Variants in LANCL2 observed in about 807,000 individuals in gnomAD.
LANCL2 encodes the protein LanC like glutathione S-transferase 2, also known as lanC-like protein 2.
LANCL2 carries 33 observed loss-of-function variants against 56.9 expected under a neutral mutation model. The observed-to-expected ratio is 0.58, with a 90% confidence interval of 0.44 to 0.78. The LOEUF (loss-of-function observed/expected upper bound fraction) is 0.78, where lower values mean the gene tolerates loss of function less well. LANCL2 is among the 30% of genes least tolerant of loss of function. The probability of loss-of-function intolerance (pLI) is 0.00; values close to 1 mark genes in which losing one functional copy is unlikely to be tolerated. For synonymous variants in LANCL2, 233 were observed against 228.2 expected (o/e 1.02, Z -0.19); for missense variants, 562 against 580.2 (o/e 0.97, Z 0.32).
Position 55,366,106 on chromosome 7 carries a change from C to T in LANCL2, c.81C>T (p.Pro27=), listed in dbSNP as rs1177732826. ...TGGAGGAACGGGCGTTCGTCAACCC[C>T]TTCCCGGACTACGAGGCCGCCGCCG... ...AEMEERAFVN[P]FPDYEAAAGA... Residue 27 remains proline, a synonymous_variant, in exon 1 of 9, where the codon CCC becomes CCT. Transcript: ENST00000254770. The T allele has an allele frequency of 1.3e-6, 2 of 1,545,422 alleles. No homozygotes were observed. The highest frequency in any genetic ancestry group is 2.4e-5 in the East Asian group (1 of 40,852).
intron 1 of LANCL2, among the ~76,000 whole-genome samples, chr7:55,389,041 T>TCTTTTTCTTC (rs949771967): frequency 6.6e-6 from 1 of 152,242 alleles, no homozygotes; most frequent in Non-Finnish European, 1.5e-5. Context: ...TGTATGTTTT[T>TCTTTTTCTTC]CTTTTTCTTC....
rs547995534 is a variant in LANCL2, at chr7:55,400,422, T to G, written c.678+318T>G. On this transcript the variant is annotated intron_variant, in intron 4 of 8. Coordinates refer to ENST00000254770, the MANE Select transcript of LANCL2 (RefSeq NM_018697.4). Reference sequence around the variant, plus strand: ...AGGCTGGTATGAGTGGGGACCAGCTTCTTCTGTCTCATTCTGCCTTATCCT... The same window carrying G: ...AGGCTGGTATGAGTGGGGACCAGCTGCTTCTGTCTCATTCTGCCTTATCCT... 4.3e-4 allele frequency among the ~76,000 whole-genome samples: 66 copies of G among 152,326 alleles called. 2 individuals are homozygous for G. In the South Asian group the frequency reaches 0.013, roughly 31 times the overall value.
intron 1 of LANCL2, among the ~76,000 whole-genome samples, chr7:55,370,174 C>T (rs1254827885): frequency 6.6e-6 from 1 of 152,142 alleles, no homozygotes; most frequent in Non-Finnish European, 1.5e-5. Context: ...TATGTGTTTT[C>T]TGGAGGCTTC....
intron 3 of LANCL2, among the ~76,000 whole-genome samples, chr7:55,399,298 AGAC>A (rs1382090559): frequency 6.7e-6 from 1 of 149,668 alleles, no homozygotes; most frequent in African/African-American, 2.5e-5. Context: ...AAAAAAAAAA[AGAC>A]AGAATGACAG....
At chr7:55,427,222 G>T (rs1425892614) in intron 7 of LANCL2, among the ~76,000 whole-genome samples, 2 of 152,208 alleles carry the variant, frequency 1.3e-5, no homozygotes, top group African/African-American at 4.8e-5. Context: ...TTCAAATCAT[G>T]CCTGGACCTC....
At chr7:55,366,765 A>G (rs1789878509) in intron 1 of LANCL2, among the ~76,000 whole-genome samples, 1 of 152,228 alleles carries the variant, frequency 6.6e-6, no homozygotes, top group Non-Finnish European at 1.5e-5. Flanking sequence ...ACATTGACAT[A>G]AAACAGATTA....
At position 55,425,363 on chromosome 7, in the gene LANCL2, A is replaced by G. The variant is rs1423457703; in HGVS notation, c.1118A>G (p.Asn373Ser). 1 of 1,614,154 alleles carries G rather than the reference A, an allele frequency of 6.2e-7. No homozygotes were observed. The highest frequency in any genetic ancestry group is 1.3e-5 in the African/African-American group (1 of 75,036). ...GYGICHGTAG[N>S]GYSFLSLYRL... ...GGGATATGCCATGGGACTGCTGGCA[A>G]CGGCTATTCCTTCCTGTCCCTTTAC... Residue 373 changes from asparagine to serine, a missense_variant, in exon 7 of 9, where the codon AAC becomes AGC. This residue lies in a region of LANCL2 where 378 missense variants were observed against 468.4 expected (regional missense o/e 0.81). Coordinates refer to ENST00000254770, the MANE Select transcript of LANCL2 (RefSeq NM_018697.4).
chr7:55,391,415 A>G (rs1790189339), intron 1 of LANCL2, among the ~76,000 whole-genome samples: 1 of 152,062 alleles, frequency 6.6e-6, no homozygotes, highest in African/African-American at 2.4e-5. Flanking sequence ...TTGTTGATTT[A>G]TATCTTATAT....
chr7:55,385,646 A>G lies in LANCL2; in HGVS notation c.205-6147A>G, dbSNP rs951040783. On this transcript the variant is annotated intron_variant, in intron 1 of 8. Transcript: ENST00000254770. Reference sequence around the variant, plus strand: ...CAAGGTAATAGAATATCACAAGGCAAGTGGAGGCAGGGCGAGATCACAGGA... The same window carrying G: ...CAAGGTAATAGAATATCACAAGGCAGGTGGAGGCAGGGCGAGATCACAGGA... Among the ~76,000 whole-genome samples the G allele has an allele frequency of 6.6e-5, 10 of 152,212 alleles. No homozygotes were observed. In the East Asian group the frequency reaches 7.7e-4, roughly 12 times the overall value.
intron 5 of LANCL2, among the ~76,000 whole-genome samples, chr7:55,405,132 C>T (rs1420620369): frequency 1.3e-5 from 2 of 152,180 alleles, no homozygotes; most frequent in African/African-American, 2.4e-5. Context: ...GTCCTAAGAC[C>T]TGGGAATGCC....
intron 1 of LANCL2, among the ~76,000 whole-genome samples, chr7:55,378,569 A>G (rs1790029919): frequency 6.6e-6 from 1 of 152,048 alleles, no homozygotes; most frequent in Non-Finnish European, 1.5e-5. Flanking sequence ...TAAATAAAAT[A>G]CCATTATTTA....
intron 6 of LANCL2, among the ~76,000 whole-genome samples, chr7:55,413,987 G>T (rs542151449): frequency 1.1e-4 from 16 of 152,244 alleles, no homozygotes; most frequent in African/African-American, 3.9e-4. Context: ...AATGTTCAAG[G>T]TAATGGACAT....
At position 55,398,465 on chromosome 7, in the gene LANCL2, A is replaced by C; in HGVS notation, c.365A>C (p.Asp122Ala). ...LYLQLYRVTC[D>A]QTYLLRSLDY... ...CTGCAGTTGTACCGGGTCACATGTGACCAAACCTACCTGCTCCGATCCCTG... is the reference window on the plus strand; with the variant it reads ...CTGCAGTTGTACCGGGTCACATGTGCCCAAACCTACCTGCTCCGATCCCTG... Residue 122 changes from aspartate (D) to alanine (A), a missense_variant, in exon 3 of 9, where the codon GAC (aspartate) becomes GCC (alanine). Physicochemically the swap from Asp to Ala is moderately radical, Grantham distance 126. This residue lies in a region of LANCL2 where 378 missense variants were observed against 468.4 expected (regional missense o/e 0.81). Transcript: ENST00000254770. 6.2e-7 allele frequency: 1 copy of C among 1,614,158 alleles called. No homozygotes were observed. The highest frequency in any genetic ancestry group is 8.5e-7 in the Non-Finnish European group (1 of 1,180,018).
At chr7:55,409,296 A>C (rs561975980) in intron 5 of LANCL2, among the ~76,000 whole-genome samples, 2 of 151,418 alleles carry the variant, frequency 1.3e-5, no homozygotes, top group Non-Finnish European at 2.9e-5. Flanking sequence ...GTTTCACCGT[A>C]TTAGCCAGGA....
At chr7:55,377,840 G>A (rs1230886400) in intron 1 of LANCL2, among the ~76,000 whole-genome samples, 1 of 152,190 alleles carries the variant, frequency 6.6e-6, no homozygotes, top group Admixed American at 6.5e-5. Flanking sequence ...TGCTCCTGCT[G>A]TTTCTGGGCT....
At chr7:55,373,229 A>C (rs4947507) in intron 1 of LANCL2, among the ~76,000 whole-genome samples, 54,828 of 151,936 alleles carry the variant, frequency 0.36, 10,423 homozygotes, top group East Asian at 0.55. Context: ...TGAGAACAGG[A>C]ATTTTTTCTT....
chr7:55,365,737 T>C lies in LANCL2; in HGVS notation c.-289T>C. The C allele has an allele frequency of 3.3e-6, 1 of 304,702 alleles. No homozygotes were observed. The allele number at this position is 304,702 out of a possible 1,614,324, so 18.9% of individuals were successfully genotyped here. A position where few individuals can be genotyped will look rare whatever the true frequency, so the allele number is the denominator to read the frequency against. ...GGTGCGAGGAGGCGCGAGCAGGCTG[T>C]GAGCCGCTGGGCGCTCCCGCGAGCC... On this transcript the variant is annotated 5_prime_UTR_variant, in exon 1 of 9. Transcript: ENST00000254770.
chr7:55,392,758 A>G (rs2128992945), intron 2 of LANCL2, among the ~76,000 whole-genome samples: 1 of 152,200 alleles, frequency 6.6e-6, no homozygotes, highest in Non-Finnish European at 1.5e-5. Flanking sequence ...TTTAATATCT[A>G]GTGTGTCTTT....
intron 1 of LANCL2, among the ~76,000 whole-genome samples, chr7:55,370,550 C>T (rs1789931826): frequency 6.6e-6 from 1 of 152,154 alleles, no homozygotes; most frequent in African/African-American, 2.4e-5. Context: ...GTGTAGCCTC[C>T]AGAACCCTGC....
Sources: allele counts gnomAD v4.1 joint callset (sites outside exome capture counted in the v4.1 genomes callset), GRCh38; gene constraint gnomAD v4.1.1; regional missense constraint gnomAD v4.1.1; transcripts MANE v1.5; gene names NCBI Gene and HGNC (gene_info 2026-07-23, HGNC 2026-07-21).